MAGI1: variants seen among roughly 807,000 people sequenced by gnomAD.
MAGI1 encodes membrane associated guanylate kinase, WW and PDZ domain containing 1, also known as membrane-associated guanylate kinase, WW and PDZ domain-containing protein 1.
A neutral mutation model predicts 139.9 loss-of-function variants in MAGI1; 58 were observed. That is an observed-to-expected ratio of 0.41 (90% CI 0.34 to 0.52). MAGI1 has a LOEUF of 0.52. Among genes scored for constraint, MAGI1 ranks in the 20% least tolerant of loss-of-function variants. The pLI is 0.12. For synonymous variants in MAGI1, 812 were observed against 737.9 expected (o/e 1.10, Z -1.63); for missense variants, 1,874 against 1,901.6 (o/e 0.99, Z 0.27).
At chr3:65,653,034 C>T (rs952967241) in intron 1 of MAGI1, among the ~76,000 whole-genome samples, 2 of 152,070 alleles carry the variant, frequency 1.3e-5, no homozygotes, top group Non-Finnish European at 2.9e-5. Flanking sequence ...AGCAAGAATC[C>T]GGGTCACTTG....
chr3:65,993,304 T>G (rs772456348), intron 1 of MAGI1, among the ~76,000 whole-genome samples: 88 of 152,330 alleles, frequency 5.8e-4, no homozygotes, highest in Non-Finnish European at 1.1e-3. Context: ...CCACTGAGGC[T>G]TAAAATGACA....
At chr3:65,387,294 A>T in intron 14 of MAGI1, 2 of 1,189,380 alleles carry the variant, frequency 1.7e-6, no homozygotes, top group Non-Finnish European at 2.5e-6. Flanking sequence ...ACTTTAATTT[A>T]GTTTTGATTG....
chr3:65,929,417 T>C (rs927932078), intron 1 of MAGI1, among the ~76,000 whole-genome samples: 3 of 151,894 alleles, frequency 2.0e-5, no homozygotes, highest in Admixed American at 6.6e-5. Context: ...CTCAGCTTAC[T>C]GCAACCTCCA....
In MAGI1 at chr3:65,598,619, G is replaced by A. The variant is rs2082340788; in HGVS notation, c.430+23353C>T. 2.0e-5 allele frequency among the ~76,000 whole-genome samples: 3 copies of A among 152,300 alleles called. No homozygotes were observed. In the South Asian group the frequency reaches 6.2e-4, roughly 32 times the overall value. On this transcript the variant is annotated intron_variant, in intron 2 of 22. Transcript: ENST00000402939. The stretch of plus-strand genomic sequence containing the variant: ...ATGAATTTGAAGGATCCACTTTCAA[G>A]GAATTGACACTTCAAGAATCAAAGG...
chr3:65,846,610 T>C (rs1025817469), intron 1 of MAGI1, among the ~76,000 whole-genome samples: 1 of 152,184 alleles, frequency 6.6e-6, no homozygotes, highest in African/African-American at 2.4e-5. Context: ...ATCACCAATA[T>C]GTTTTGAGCA....
chr3:66,016,589 G>T (rs2067652352), intron 1 of MAGI1, among the ~76,000 whole-genome samples: 1 of 152,196 alleles, frequency 6.6e-6, no homozygotes, highest in Non-Finnish European at 1.5e-5. Context: ...GAGACTTTGG[G>T]TAAGTGGTGC....
chr3:65,506,967 T>C (rs1011964850), intron 2 of MAGI1, among the ~76,000 whole-genome samples: 5 of 152,222 alleles, frequency 3.3e-5, no homozygotes, highest in African/African-American at 1.2e-4. Context: ...TTCTCAAGTA[T>C]ACAGCGAAAT....
chr3:65,879,299 A>C (rs1233225919), intron 1 of MAGI1, among the ~76,000 whole-genome samples: 6 of 151,988 alleles, frequency 3.9e-5, no homozygotes, highest in African/African-American at 1.2e-4. Flanking sequence ...TGTTTTCGGC[A>C]ATCATTTTGC....
chr3:65,808,074 C>T (rs2040987070), intron 1 of MAGI1, among the ~76,000 whole-genome samples: 1 of 151,766 alleles, frequency 6.6e-6, no homozygotes, highest in African/African-American at 2.4e-5. Flanking sequence ...CAACCTCTGC[C>T]TCCCAGATTC....
intron 1 of MAGI1, among the ~76,000 whole-genome samples, chr3:65,714,673 T>A (rs1189302106): frequency 6.6e-6 from 1 of 152,140 alleles, no homozygotes; most frequent in African/African-American, 2.4e-5. Context: ...TACTGTCTCT[T>A]AAGAATCATC....
At chr3:65,749,949 C>G (rs2036010232) in intron 1 of MAGI1, among the ~76,000 whole-genome samples, 1 of 152,022 alleles carries the variant, frequency 6.6e-6, no homozygotes, top group Non-Finnish European at 1.5e-5. Context: ...CAGGGGGAAG[C>G]ATTTAAACTC....
intron 1 of MAGI1, among the ~76,000 whole-genome samples, chr3:65,815,766 T>A (rs11925073): frequency 6.6e-6 from 1 of 152,180 alleles, no homozygotes; most frequent in East Asian, 1.9e-4. Context: ...TCATATACCT[T>A]ATCTTAATTA....
chr3:65,578,444 T>G (rs2081272017), intron 2 of MAGI1, among the ~76,000 whole-genome samples: 2 of 152,178 alleles, frequency 1.3e-5, no homozygotes, highest in South Asian at 4.1e-4. Flanking sequence ...TTTTTGCAGG[T>G]TCCAAATCTT....
chr3:65,865,683 C>A (rs1341757188), intron 1 of MAGI1, among the ~76,000 whole-genome samples: 1 of 152,172 alleles, frequency 6.6e-6, no homozygotes, highest in East Asian at 1.9e-4. Flanking sequence ...TCTTGTTGCC[C>A]AGGCTGGAGT....
intron 1 of MAGI1, among the ~76,000 whole-genome samples, chr3:65,706,343 A>G (rs2030284160): frequency 6.6e-6 from 1 of 152,214 alleles, no homozygotes. Flanking sequence ...GAACTCTTAA[A>G]AGCCTCACTG....
chr3:65,699,735 G>T (rs1482135922), intron 1 of MAGI1, among the ~76,000 whole-genome samples: 37 of 114,632 alleles, frequency 3.2e-4, no homozygotes, highest in African/African-American at 1.2e-3. Context: ...GGTGGGGTGG[G>T]GGGAGGGGGG....
At chr3:65,844,241 C>T (rs2058907626) in intron 1 of MAGI1, 5 of 465,412 alleles carry the variant, frequency 1.1e-5, no homozygotes, top group South Asian at 3.3e-5. Flanking sequence ...TGAGCAGATC[C>T]GGGTGAACAA....
chr3:65,478,446 C>G, intron 4 of MAGI1, 146 bp downstream of exon 4: 2 of 711,376 alleles, frequency 2.8e-6, no homozygotes, highest in South Asian at 3.4e-5. Flanking sequence ...ACCATCTCTT[C>G]TGCAAGCACT....
intron 2 of MAGI1, among the ~76,000 whole-genome samples, chr3:65,591,332 A>G (rs957708543): frequency 1.3e-5 from 2 of 152,028 alleles, no homozygotes; most frequent in Admixed American, 1.3e-4. Context: ...CCTTGGAGTC[A>G]TTCTCAATTC....
Sources: allele counts gnomAD v4.1 joint callset (sites outside exome capture counted in the v4.1 genomes callset), GRCh38; gene constraint gnomAD v4.1.1; transcripts MANE v1.5; gene names NCBI Gene and HGNC (gene_info 2026-07-23, HGNC 2026-07-21).